ANO3: variants seen among roughly 807,000 people sequenced by gnomAD.
ANO3 encodes the protein anoctamin 3.
ANO3 carries 99 observed loss-of-function variants against 144.8 expected under a neutral mutation model. The ratio of observed to expected loss-of-function variants is 0.68; its 90% CI spans 0.58 to 0.81. ANO3 has a LOEUF of 0.81. Ranked by LOEUF, ANO3 falls within the 30% of genes least tolerant of loss-of-function variation. The pLI is 0.00. For missense variants in ANO3, 905 were observed against 1,202.2 expected (o/e 0.75, Z 3.66); for synonymous variants, 414 against 392.6 (o/e 1.05, Z -0.64).
chr11:26,647,000 A>G (rs1853364776), intron 23 of ANO3, among the ~76,000 whole-genome samples: 1 of 152,184 alleles, frequency 6.6e-6, no homozygotes, highest in East Asian at 1.9e-4. Context: ...GGAGGAAAGA[A>G]AGTTGGCATG....
chr11:26,306,695 C>T (rs150055061), upstream of ANO3, among the ~76,000 whole-genome samples: 25 of 152,194 alleles, frequency 1.6e-4, 1 homozygote, highest in African/African-American at 6.0e-4. Flanking sequence ...TTTTAAAAAC[C>T]GGAATTGCCC....
chr11:26,208,057 T>G (rs1164115210), intron 1 of ANO3: 1 of 152,176 alleles, frequency 6.6e-6, no homozygotes, highest in Non-Finnish European at 1.5e-5. Flanking sequence ...TGACCCTTCT[T>G]GCTGTGTCCT....
chr11:26,487,009 C>T lies in ANO3; in HGVS notation c.433-21095C>T, dbSNP rs180876065. 6.0e-3 allele frequency among the ~76,000 whole-genome samples: 915 copies of T among 152,310 alleles called. 8 individuals carry two copies. Among genetic ancestry groups the T allele is most frequent in the Non-Finnish European group, 9.8e-3 (667 of 68,030 alleles). ...GTTGCCACTGCCCTGCAGACACTAA[C>T]CTAATTTGCAAGGAGCGTTTGGTGA... On this transcript the variant is annotated intron_variant, in intron 4 of 26. Coordinates refer to ENST00000256737, the MANE Select transcript of ANO3 (RefSeq NM_031418.4).
intron 1 of ANO3, among the ~76,000 whole-genome samples, chr11:26,438,592 C>CAAAAAAAA (rs1227963923): frequency 2.1e-4 from 15 of 70,304 alleles, no homozygotes; most frequent in Non-Finnish European, 2.8e-4. Flanking sequence ...ACTAAAAATA[C>CAAAAAAAA]AAAAAAAAAA....
At chr11:26,548,769 A>G (rs1274588998) in intron 12 of ANO3, among the ~76,000 whole-genome samples, 3 of 151,928 alleles carry the variant, frequency 2.0e-5, no homozygotes, top group African/African-American at 7.2e-5. Context: ...CATTTCATCT[A>G]GTCTTGGGTT....
chr11:26,453,767 C>T (rs1859039080), intron 3 of ANO3, among the ~76,000 whole-genome samples: 1 of 152,100 alleles, frequency 6.6e-6, no homozygotes, highest in African/African-American at 2.4e-5. Context: ...CCCAAATCAA[C>T]AAAATTTACA....
At chr11:26,194,882 G>A (rs1851554314) in intron 1 of ANO3, among the ~76,000 whole-genome samples, 2 of 152,076 alleles carry the variant, frequency 1.3e-5, no homozygotes, top group Admixed American at 1.3e-4. Context: ...ATATATTTAT[G>A]TGTGTACATG....
At chr11:26,552,836 G>C (rs1009180257) in intron 12 of ANO3, among the ~76,000 whole-genome samples, 1 of 152,174 alleles carries the variant, frequency 6.6e-6, no homozygotes, top group Admixed American at 6.6e-5. Context: ...GTTATAAATT[G>C]TGTGATCACC....
Position 26,663,270 on chromosome 11 carries a change from A to C in ANO3, c.*2826A>C, listed in dbSNP as rs1263580164. On this transcript the variant is annotated 3_prime_UTR_variant, in exon 27 of 27. Coordinates refer to ENST00000256737, the MANE Select transcript of ANO3 (RefSeq NM_031418.4). ...GAATAGAAAACTTTTTCACTCAATA[A>C]ATTATTATTTGATATGGTATTTTCC... 2 of 152,160 alleles carry C rather than the reference A, an allele frequency of 1.3e-5. No individual in the cohort carries two copies. Among genetic ancestry groups the C allele is most frequent in the East Asian group, 3.9e-4 (2 of 5,176 alleles). 9.4% of individuals were successfully genotyped at this position (152,160 alleles called of 1,614,324 possible). A position where few individuals can be genotyped will look rare whatever the true frequency, so the allele number is the denominator to read the frequency against.
intron 17 of ANO3, among the ~76,000 whole-genome samples, chr11:26,623,788 T>G (rs1236195839): frequency 6.6e-6 from 1 of 151,754 alleles, no homozygotes; most frequent in Non-Finnish European, 1.5e-5. Flanking sequence ...ATTTTTATTT[T>G]TATTTATTTT....
chr11:26,210,079 G>A (rs536196692), intron 1 of ANO3, among the ~76,000 whole-genome samples: 6 of 152,248 alleles, frequency 3.9e-5, no homozygotes, highest in Non-Finnish European at 1.5e-5. Context: ...GTCCTGAATG[G>A]TATTGACTAG....
intron 1 of ANO3, among the ~76,000 whole-genome samples, chr11:26,341,738 A>T (rs572366388): frequency 1.3e-5 from 2 of 152,268 alleles, no homozygotes; most frequent in South Asian, 4.1e-4. Flanking sequence ...AAAACCTCAA[A>T]AGTATGGAAG....
intron 1 of ANO3, among the ~76,000 whole-genome samples, chr11:26,359,933 A>G (rs1855880060): frequency 6.6e-6 from 1 of 151,462 alleles, no homozygotes; most frequent in Non-Finnish European, 1.5e-5. Flanking sequence ...GTATGCATAT[A>G]TTGGAACTTA....
intron 23 of ANO3, among the ~76,000 whole-genome samples, chr11:26,645,020 A>T (rs1424951368): frequency 2.0e-5 from 3 of 151,022 alleles, no homozygotes; most frequent in Non-Finnish European, 4.4e-5. Context: ...TGACATTCTT[A>T]AAAAGGTACT....
At chr11:26,651,876 G>A (rs948158007) in intron 24 of ANO3, among the ~76,000 whole-genome samples, 1 of 152,194 alleles carries the variant, frequency 6.6e-6, no homozygotes, top group Non-Finnish European at 1.5e-5. Flanking sequence ...TATGTTTTAA[G>A]GTTGTTGTAA....
At chr11:26,268,005 A>G (rs1177352188) in intron 1 of ANO3, among the ~76,000 whole-genome samples, 2 of 152,236 alleles carry the variant, frequency 1.3e-5, no homozygotes, top group African/African-American at 4.8e-5. Context: ...CTAATAAGAT[A>G]AACAGGAATC....
At chr11:26,379,557 G>A (rs1198674741) in intron 1 of ANO3, among the ~76,000 whole-genome samples, 2 of 152,042 alleles carry the variant, frequency 1.3e-5, no homozygotes, top group African/African-American at 4.8e-5. Context: ...TGAGGTGGGT[G>A]GATTGCTTGA....
intron 1 of ANO3, among the ~76,000 whole-genome samples, chr11:26,233,150 G>T (rs1424955109): frequency 6.6e-6 from 1 of 151,438 alleles, no homozygotes; most frequent in Non-Finnish European, 1.5e-5. Flanking sequence ...CCAGGAGGCA[G>T]AGCTTGCAGT....
chr11:26,483,444 T>G (rs992749615), intron 4 of ANO3, among the ~76,000 whole-genome samples: 23 of 152,192 alleles, frequency 1.5e-4, no homozygotes, highest in Admixed American at 1.4e-3. Flanking sequence ...GCTGTTCTCA[T>G]GATAATGAGT....
Sources: gnomAD v4.1 joint callset for allele counts (sites outside exome capture counted in the v4.1 genomes callset) on GRCh38, gnomAD v4.1.1 for gene constraint, MANE v1.5 for transcripts, NCBI Gene and HGNC (gene_info 2026-07-23, HGNC 2026-07-21) for gene names.